Variants in FAM222B observed in about 807,000 individuals in gnomAD.
The protein encoded by FAM222B is family with sequence similarity 222 member B.
Under a neutral mutation model 38.0 loss-of-function variants are expected in FAM222B, and 12 were observed. That is an observed-to-expected ratio of 0.32 (90% confidence interval 0.20 to 0.51). The LOEUF (loss-of-function observed/expected upper bound fraction) is 0.51. Among genes scored for constraint, FAM222B ranks in the 20% least tolerant of loss-of-function variants. FAM222B has a pLI of 0.97. For missense variants in FAM222B, 716 were observed against 754.2 expected (o/e 0.95, Z 0.59); for synonymous variants, 329 against 317.2 (o/e 1.04, Z -0.40).
intron 1 of FAM222B, among the ~76,000 whole-genome samples, chr17:28,813,541 T>G (rs904531869): frequency 3.9e-5 from 6 of 152,074 alleles, no homozygotes; most frequent in African/African-American, 1.4e-4. Flanking sequence ...TTTTGTTTTT[T>G]TTGGAGACGG....
chr17:28,837,988 G>A (rs1237652601), intron 1 of FAM222B, among the ~76,000 whole-genome samples: 6 of 152,082 alleles, frequency 3.9e-5, no homozygotes, highest in Non-Finnish European at 7.4e-5. Flanking sequence ...TTTTTAGGCC[G>A]GATGCAGTGG....
chr17:28,826,698 A>C (rs908575799), intron 1 of FAM222B, among the ~76,000 whole-genome samples: 1 of 151,948 alleles, frequency 6.6e-6, no homozygotes, highest in Non-Finnish European at 1.5e-5. Flanking sequence ...AAAAAAAAAA[A>C]AAAAATCTGT....
chr17:28,781,511 GATCCAGCA>G (rs2036168935), intron 1 of FAM222B, among the ~76,000 whole-genome samples: 1 of 152,088 alleles, frequency 6.6e-6, no homozygotes, highest in Non-Finnish European at 1.5e-5. Flanking sequence ...ACTACCATAT[GATCCAGCA>G]ATCCCACTAC....
At chr17:28,838,767 T>G (rs2038936712) in intron 1 of FAM222B, among the ~76,000 whole-genome samples, 5 of 149,128 alleles carry the variant, frequency 3.4e-5, no homozygotes, top group Admixed American at 2.0e-4. Context: ...ATCAGCCAGG[T>G]ATGGTGGTAC....
At chr17:28,808,800 A>G (rs1402133415) in intron 1 of FAM222B, among the ~76,000 whole-genome samples, 2 of 152,190 alleles carry the variant, frequency 1.3e-5, no homozygotes, top group Non-Finnish European at 2.9e-5. Context: ...GTCTCTGACA[A>G]TTGACAGAGC....
At chr17:28,787,551 G>A (rs1325452785) in intron 1 of FAM222B, among the ~76,000 whole-genome samples, 1 of 150,706 alleles carries the variant, frequency 6.6e-6, no homozygotes, top group Non-Finnish European at 1.5e-5. Context: ...GTCTCTGAAA[G>A]CTCAAGAGGC....
intron 1 of FAM222B, among the ~76,000 whole-genome samples, chr17:28,812,815 A>C (rs2037848239): frequency 6.7e-6 from 1 of 150,100 alleles, no homozygotes; most frequent in Non-Finnish European, 1.5e-5. Context: ...CCCACGCGAT[A>C]CCTCCCAGAG....
chr17:28,814,316 C>G (rs1338103799), intron 1 of FAM222B, among the ~76,000 whole-genome samples: 1 of 152,018 alleles, frequency 6.6e-6, no homozygotes, highest in Non-Finnish European at 1.5e-5. Flanking sequence ...CTGCTTAATC[C>G]CCCCGAACAC....
intron 1 of FAM222B, among the ~76,000 whole-genome samples, chr17:28,825,684 G>A (rs948079718): frequency 6.6e-6 from 1 of 152,090 alleles, no homozygotes; most frequent in Non-Finnish European, 1.5e-5. Flanking sequence ...CATATCCTTA[G>A]AGAGATATTC....
intron 1 of FAM222B, among the ~76,000 whole-genome samples, chr17:28,773,719 G>A (rs1002433579): frequency 2.0e-5 from 3 of 151,516 alleles, no homozygotes; most frequent in African/African-American, 7.3e-5. Flanking sequence ...AATCACCTGG[G>A]TCCAGAAGGC....
In FAM222B at chr17:28,823,177, AT is replaced by A. The variant is rs1484332058; in HGVS notation, c.-41+19504del. Among the ~76,000 whole-genome samples, 4 of 152,116 alleles carry A rather than the reference AT, an allele frequency of 2.6e-5. No homozygotes were observed. In the South Asian group the frequency reaches 6.2e-4, roughly 24 times the overall value. ...CTGTTACCAAACAAAAACAAAAAAA[AT>A]GATCAAATGTTTCTTCATCTTATTT... On this transcript the variant is annotated intron_variant, in intron 1 of 2. Coordinates refer to ENST00000581407, the MANE Select transcript of FAM222B (RefSeq NM_001077498.3).
intron 1 of FAM222B, among the ~76,000 whole-genome samples, chr17:28,838,000 T>C (rs1042837091): frequency 2.0e-5 from 3 of 152,090 alleles, no homozygotes; most frequent in African/African-American, 7.2e-5. Flanking sequence ...ATGCAGTGGC[T>C]GACGCCTGTA....
Position 28,759,409 on chromosome 17 carries a change from G to C in FAM222B, c.550C>G (p.Leu184Val). 1 of 1,595,158 alleles carries C rather than the reference G, an allele frequency of 6.3e-7. No individual in the cohort carries two copies. Among genetic ancestry groups the C allele is most frequent in the South Asian group, 1.1e-5 (1 of 88,794 alleles). Residue 184 changes from leucine (L) to valine (V), a missense_variant, in exon 3 of 3, where the codon CTG becomes GTG. Transcript: ENST00000581407. This position sits in a 1 kb window ranked among gnomAD's most constrained non-coding sequence, Gnocchi z 4.8. ...TGCTGGAGGCTCTGAGGGTGGGACA[G>C]TGCCTGGGGTGGCGGGATACCCTGA... ...HPQGIPPPQA[L>V]SHPQSLQQPQ... is the part of the protein sequence containing the mutation.
At chr17:28,850,365 G>A (rs1343982056) in intron 1 of FAM222B, among the ~76,000 whole-genome samples, 1 of 151,434 alleles carries the variant, frequency 6.6e-6, no homozygotes, top group Non-Finnish European at 1.5e-5. Context: ...GCAGTGGTGC[G>A]ATCTCGGCTC....
intron 1 of FAM222B, among the ~76,000 whole-genome samples, chr17:28,810,454 GCTAACTTTGTTT>G (rs2037704491): frequency 3.7e-5 from 1 of 27,220 alleles, no homozygotes; most frequent in Non-Finnish European, 6.8e-5. Flanking sequence ...TTATATACTA[GCTAACTTTGTTT>G]TATATACTAG....
In FAM222B at chr17:28,820,886, C is replaced by T. The variant is rs182191138; in HGVS notation, c.-41+21796G>A. Among the ~76,000 whole-genome samples, 573 of 152,090 alleles carry T rather than the reference C, an allele frequency of 3.8e-3. 2 individuals carry two copies. Among genetic ancestry groups the T allele is most frequent in the Non-Finnish European group, 6.9e-3 (466 of 68,014 alleles). The stretch of plus-strand genomic sequence containing the variant: ...CTCCTGACGACCTTAAATGATCCAC[C>T]TGCCTCAGCCTCCAAAGTGCTGGGA... On this transcript the variant is annotated intron_variant, in intron 1 of 2. Coordinates refer to ENST00000581407, the MANE Select transcript of FAM222B (RefSeq NM_001077498.3).
At chr17:28,845,861 A>C (rs1225682053), upstream of FAM222B, among the ~76,000 whole-genome samples, 4 of 147,416 alleles carry the variant, frequency 2.7e-5, no homozygotes, top group African/African-American at 7.5e-5. Context: ...CGCCACTGCA[A>C]TCCAGCCTGG....
At chr17:28,825,957 A>T (rs1567891674) in intron 1 of FAM222B, among the ~76,000 whole-genome samples, 1 of 151,894 alleles carries the variant, frequency 6.6e-6, no homozygotes, top group Non-Finnish European at 1.5e-5. Flanking sequence ...GTATAAAAGT[A>T]GAGATGGGGT....
intron 1 of FAM222B, among the ~76,000 whole-genome samples, chr17:28,784,600 A>T (rs2036316355): frequency 7.1e-6 from 1 of 141,784 alleles, no homozygotes; most frequent in Non-Finnish European, 1.5e-5. Context: ...GCACTCTGGG[A>T]GGCTGAGGTG....
Sources: gnomAD v4.1 joint callset for allele counts (sites outside exome capture counted in the v4.1 genomes callset) on GRCh38, gnomAD v4.1.1 for gene constraint, Gnocchi (gnomAD v3.1) non-coding constraint, MANE v1.5 for transcripts, NCBI Gene and HGNC (gene_info 2026-07-23, HGNC 2026-07-21) for gene names.